SEZ6L: variants seen among roughly 807,000 people sequenced by gnomAD.
SEZ6L encodes the protein seizure 6-like protein.
A neutral mutation model predicts 106.2 loss-of-function variants in SEZ6L; 37 were observed. That is an observed-to-expected ratio of 0.35 (90% CI 0.27 to 0.46). The LOEUF is 0.46. Ranked by LOEUF, SEZ6L falls within the 20% of genes least tolerant of loss-of-function variation. The pLI, the probability that SEZ6L is intolerant of heterozygous loss-of-function variation, is 1.00. For synonymous variants in SEZ6L, 541 were observed against 570.4 expected (o/e 0.95, Z 0.73); for missense variants, 1,172 against 1,332.8 (o/e 0.88, Z 1.88).
At chr22:26,237,746 T>C (rs999970541) in intron 1 of SEZ6L, among the ~76,000 whole-genome samples, 7 of 152,128 alleles carry the variant, frequency 4.6e-5, no homozygotes, top group Non-Finnish European at 1.0e-4. Context: ...CAGCCTCATC[T>C]GCCACCCACC....
intron 1 of SEZ6L, among the ~76,000 whole-genome samples, chr22:26,290,987 T>C (rs1210293235): frequency 6.6e-6 from 1 of 152,234 alleles, no homozygotes; most frequent in Non-Finnish European, 1.5e-5. Flanking sequence ...TTGGTGGGAA[T>C]GTAAATTAAT....
chr22:26,220,892 A>AATGGATGGATGG lies in SEZ6L; in HGVS notation c.94+51154_94+51165dup, dbSNP rs56187164. Among the ~76,000 whole-genome samples, 490 of 149,364 alleles carry AATGGATGGATGG rather than the reference A, an allele frequency of 3.3e-3. 9 individuals carry two copies. Among genetic ancestry groups the AATGGATGGATGG allele is most frequent in the Admixed American group, 0.023 (352 of 14,988 alleles). ...TACATCACACAATAAATACTGTATGAATGGATGGATGGATGGATGGATGGA... is the reference window on the plus strand; with the variant it reads ...TACATCACACAATAAATACTGTATGAATGGATGGATGGATGGATGGATGGATGGATGGATGGA... On this transcript the variant is annotated intron_variant, in intron 1 of 16. Coordinates refer to ENST00000248933, the MANE Select transcript of SEZ6L (RefSeq NM_021115.5).
chr22:26,290,974 C>T (rs894444237), intron 1 of SEZ6L, among the ~76,000 whole-genome samples: 2 of 152,364 alleles, frequency 1.3e-5, no homozygotes, highest in Non-Finnish European at 2.9e-5. Flanking sequence ...TGCTTTTACA[C>T]TGTTGGTGGG....
At chr22:26,190,075 C>G (rs1471000840) in intron 1 of SEZ6L, among the ~76,000 whole-genome samples, 1 of 147,426 alleles carries the variant, frequency 6.8e-6, no homozygotes, top group East Asian at 2.0e-4. Flanking sequence ...CCAGCCTGGG[C>G]GACAGAGCAA....
intron 9 of SEZ6L, among the ~76,000 whole-genome samples, chr22:26,339,593 A>G (rs1354868796): frequency 6.6e-6 from 1 of 152,204 alleles, no homozygotes; most frequent in Admixed American, 6.5e-5. Flanking sequence ...AGGTTTGAGC[A>G]TATCTCATAA....
intron 1 of SEZ6L, among the ~76,000 whole-genome samples, chr22:26,239,572 C>T (rs1376901862): frequency 6.6e-6 from 1 of 152,142 alleles, no homozygotes; most frequent in Non-Finnish European, 1.5e-5. Flanking sequence ...AGTTCTTTCC[C>T]TCAGCCTTGG....
At chr22:26,264,611 G>A (rs2080118317) in intron 1 of SEZ6L, among the ~76,000 whole-genome samples, 1 of 152,146 alleles carries the variant, frequency 6.6e-6, no homozygotes, top group Admixed American at 6.5e-5. Flanking sequence ...TCTCTAAAGG[G>A]CCAAATAGTA....
chr22:26,204,299 C>T (rs1181654401), intron 1 of SEZ6L, among the ~76,000 whole-genome samples: 1 of 152,180 alleles, frequency 6.6e-6, no homozygotes, highest in East Asian at 1.9e-4. Context: ...CACATAATTA[C>T]TAACTACTAT....
intron 1 of SEZ6L, 29 bp from the exon 2 acceptor site, chr22:26,292,377 C>T: frequency 1.3e-6 from 2 of 1,564,488 alleles, no homozygotes; most frequent in Non-Finnish European, 1.7e-6. Context: ...TCTCCCCAAA[C>T]TAACTGGTGT....
chr22:26,289,681 T>G (rs573856042), intron 1 of SEZ6L, among the ~76,000 whole-genome samples: 2 of 152,282 alleles, frequency 1.3e-5, no homozygotes, highest in Non-Finnish European at 2.9e-5. Flanking sequence ...ACAGGAACAT[T>G]TGTTGATGCC....
At chr22:26,304,430 A>AAAAG (rs1556332062) in intron 5 of SEZ6L, among the ~76,000 whole-genome samples, 43 of 148,664 alleles carry the variant, frequency 2.9e-4, no homozygotes, top group African/African-American at 1.0e-3. Flanking sequence ...GAAAGAAAGA[A>AAAAG]AAAGAAAGGA....
chr22:26,178,491 G>C (rs1939169649), intron 1 of SEZ6L, among the ~76,000 whole-genome samples: 1 of 152,192 alleles, frequency 6.6e-6, no homozygotes. Flanking sequence ...CCAGCCCGGA[G>C]CAAGTAGTAG....
chr22:26,327,216 C>T (rs901472010), intron 9 of SEZ6L, among the ~76,000 whole-genome samples: 7 of 70,842 alleles, frequency 9.9e-5, no homozygotes, highest in Non-Finnish European at 5.2e-5. Flanking sequence ...GTATATACCA[C>T]ACACCACACA....
At chr22:26,226,634 A>C (rs1336914110) in intron 1 of SEZ6L, among the ~76,000 whole-genome samples, 5 of 152,158 alleles carry the variant, frequency 3.3e-5, no homozygotes, top group African/African-American at 1.2e-4. Flanking sequence ...TCTGTGGCAG[A>C]AACTGTGGAT....
chr22:26,274,195 T>C (rs1327964106), intron 1 of SEZ6L, among the ~76,000 whole-genome samples: 2 of 152,200 alleles, frequency 1.3e-5, no homozygotes, highest in African/African-American at 4.8e-5. Flanking sequence ...TTTTGTAAAA[T>C]GTGGGTAATA....
At chr22:26,180,652 G>C (rs1361417412) in intron 1 of SEZ6L, among the ~76,000 whole-genome samples, 1 of 152,154 alleles carries the variant, frequency 6.6e-6, no homozygotes, top group Non-Finnish European at 1.5e-5. Flanking sequence ...CTCATAAACT[G>C]GTGTATTTAG....
chr22:26,259,779 T>A (rs1317928457), intron 1 of SEZ6L, among the ~76,000 whole-genome samples: 1 of 152,202 alleles, frequency 6.6e-6, no homozygotes, highest in Admixed American at 6.5e-5. Context: ...CTTCTAATCC[T>A]GGAATGCCAA....
At chr22:26,301,666 G>C (rs962607667) in intron 5 of SEZ6L, among the ~76,000 whole-genome samples, 1 of 151,998 alleles carries the variant, frequency 6.6e-6, no homozygotes, top group African/African-American at 2.4e-5. Flanking sequence ...AAGGGTCAGG[G>C]AAGGATTACC....
chr22:26,305,523 A>G (rs562385972), intron 5 of SEZ6L, among the ~76,000 whole-genome samples: 4 of 152,288 alleles, frequency 2.6e-5, no homozygotes, highest in African/African-American at 9.6e-5. Context: ...TACAGCTTAG[A>G]TTTGCATTTC....
Sources: allele counts gnomAD v4.1 joint callset (sites outside exome capture counted in the v4.1 genomes callset), GRCh38; gene constraint gnomAD v4.1.1; transcripts MANE v1.5; gene names NCBI Gene and HGNC (gene_info 2026-07-23, HGNC 2026-07-21).